FBXW7: variants seen among roughly 807,000 people sequenced by gnomAD.
FBXW7 encodes F-box/WD repeat-containing protein 7.
Under a neutral mutation model 86.3 loss-of-function variants are expected in FBXW7, and 11 were observed. That is an observed-to-expected ratio of 0.13 (90% CI 0.08 to 0.21). The LOEUF (loss-of-function observed/expected upper bound fraction) is 0.21. Ranked by LOEUF, FBXW7 falls within the 10% of genes least tolerant of loss-of-function variation. The pLI, the probability that FBXW7 is intolerant of heterozygous loss-of-function variation, is 1.00. For missense variants in FBXW7, 488 were observed against 847.4 expected, an observed-to-expected ratio of 0.58 and a Z score of 5.27; for synonymous variants, 313 against 297.9, an observed-to-expected ratio of 1.05 and a Z score of -0.52.
chr4:152,474,273 T>C (rs551693087), intron 2 of FBXW7, among the ~76,000 whole-genome samples: 8 of 152,234 alleles, frequency 5.3e-5, no homozygotes, highest in Non-Finnish European at 1.0e-4. Flanking sequence ...CAGCAGTAAG[T>C]CTAATGAAGA....
At chr4:152,416,812 TTTG>T (rs1447927132) in intron 2 of FBXW7, among the ~76,000 whole-genome samples, 1 of 152,224 alleles carries the variant, frequency 6.6e-6, no homozygotes, top group East Asian at 1.9e-4. Context: ...ATATATATTT[TTTG>T]TTATTTGAAT....
chr4:152,351,967 T>G (rs545578875), intron 4 of FBXW7, among the ~76,000 whole-genome samples: 1 of 152,278 alleles, frequency 6.6e-6, no homozygotes, highest in South Asian at 2.1e-4. Flanking sequence ...TTTTAAATAC[T>G]GTACTGTTTA....
chr4:152,421,744 T>A (rs1400408), intron 2 of FBXW7, among the ~76,000 whole-genome samples: 6 of 152,132 alleles, frequency 3.9e-5, no homozygotes, highest in African/African-American at 1.4e-4. Flanking sequence ...GGGTTATTAA[T>A]TGGCAAAATT....
intron 2 of FBXW7, among the ~76,000 whole-genome samples, chr4:152,444,342 T>C (rs1185679276): frequency 2.0e-5 from 3 of 151,792 alleles, no homozygotes; most frequent in African/African-American, 7.3e-5. Flanking sequence ...ACAAACCATT[T>C]ATCTGATGTT....
chr4:152,392,160 T>C (rs1433947620), intron 4 of FBXW7, among the ~76,000 whole-genome samples: 1 of 152,164 alleles, frequency 6.6e-6, no homozygotes, highest in South Asian at 2.1e-4. Flanking sequence ...CTGTCCCCCA[T>C]CTTGCATGCT....
intron 2 of FBXW7, among the ~76,000 whole-genome samples, chr4:152,484,651 A>G (rs966079932): frequency 1.3e-5 from 2 of 152,220 alleles, no homozygotes; most frequent in African/African-American, 4.8e-5. Flanking sequence ...TTTTCCTCAG[A>G]ACACAACATT....
chr4:152,404,185 A>G (rs1737203612), intron 4 of FBXW7, among the ~76,000 whole-genome samples: 1 of 152,198 alleles, frequency 6.6e-6, no homozygotes, highest in African/African-American at 2.4e-5. Flanking sequence ...AGATCATGAT[A>G]TAATGACATT....
chr4:152,454,461 T>C (rs1321787468), intron 2 of FBXW7, among the ~76,000 whole-genome samples: 2 of 152,088 alleles, frequency 1.3e-5, no homozygotes, highest in Admixed American at 6.5e-5. Flanking sequence ...CCAACCTGAA[T>C]AGAAATACTA....
intron 2 of FBXW7, among the ~76,000 whole-genome samples, chr4:152,488,614 A>G (rs1215721100): frequency 1.3e-5 from 2 of 152,102 alleles, no homozygotes; most frequent in Non-Finnish European, 2.9e-5. Flanking sequence ...CTAAAACACT[A>G]TCATTCAAAA....
intron 4 of FBXW7, among the ~76,000 whole-genome samples, chr4:152,373,657 A>G (rs1734209152): frequency 6.6e-6 from 1 of 152,018 alleles, no homozygotes; most frequent in African/African-American, 2.4e-5. Flanking sequence ...TCATGTTTTA[A>G]TTCAGGGTTA....
chr4:152,522,705 T>C (rs1749137159), intron 2 of FBXW7, among the ~76,000 whole-genome samples: 1 of 152,244 alleles, frequency 6.6e-6, no homozygotes, highest in Admixed American at 6.5e-5. Flanking sequence ...CTGGGGACCC[T>C]GTTATAGATT....
At chr4:152,415,541 T>C (rs1579138221) in intron 2 of FBXW7, among the ~76,000 whole-genome samples, 1 of 152,094 alleles carries the variant, frequency 6.6e-6, no homozygotes, top group Admixed American at 6.6e-5. Context: ...ATACCCCAAA[T>C]TAATAATTTA....
At chr4:152,395,239 T>C (rs1298718530) in intron 4 of FBXW7, among the ~76,000 whole-genome samples, 1 of 152,024 alleles carries the variant, frequency 6.6e-6, no homozygotes, top group Non-Finnish European at 1.5e-5. Flanking sequence ...CTCTTGAGAG[T>C]AACCCAGAAA....
Position 152,322,752 on chromosome 4 carries a change from C to T in FBXW7, c.*129G>A. On this transcript the variant is annotated 3_prime_UTR_variant, in exon 14 of 14. Transcript: ENST00000281708. ...CTGTAGGTCTTTTCAATCTGTTGCC[C>T]CAAGCCAACATCCTGCACCACTGAG... 6.9e-7 allele frequency: 1 copy of T among 1,441,496 alleles called. No individual in the cohort carries two copies. Among genetic ancestry groups the T allele is most frequent in the Non-Finnish European group, 9.2e-7 (1 of 1,086,988 alleles). 89.3% of individuals were successfully genotyped at this position (1,441,496 alleles called of 1,614,324 possible). A position where few individuals can be genotyped will look rare whatever the true frequency, so the allele number is the denominator to read the frequency against.
At chr4:152,441,525 G>A (rs1014472210) in intron 2 of FBXW7, among the ~76,000 whole-genome samples, 29 of 152,218 alleles carry the variant, frequency 1.9e-4, no homozygotes, top group Admixed American at 1.9e-3. Flanking sequence ...CAACTATTCA[G>A]ATTTTTAAAA....
At chr4:152,469,136 T>A (rs1419381221) in intron 2 of FBXW7, among the ~76,000 whole-genome samples, 1 of 152,012 alleles carries the variant, frequency 6.6e-6, no homozygotes, top group Non-Finnish European at 1.5e-5. Flanking sequence ...TCACTAAATA[T>A]TTCCTCCTTA....
At chr4:152,527,899 C>CACACAT (rs1749671986) in intron 2 of FBXW7, among the ~76,000 whole-genome samples, 1 of 151,194 alleles carries the variant, frequency 6.6e-6, no homozygotes. Flanking sequence ...CACACACACA[C>CACACAT]ACATATATAT....
intron 2 of FBXW7, among the ~76,000 whole-genome samples, chr4:152,508,603 C>G (rs1485453935): frequency 6.7e-6 from 1 of 148,988 alleles, no homozygotes; most frequent in African/African-American, 2.5e-5. Context: ...GTAGGAGGAT[C>G]ACCTGAGCCC....
chr4:152,347,075 C>CAAAA lies in FBXW7; in HGVS notation c.585-8_585-5dup. The CAAAA allele has an allele frequency of 3.6e-5, 46 of 1,277,106 alleles. No homozygotes were observed. Among genetic ancestry groups the CAAAA allele is most frequent in the South Asian group, 1.8e-4 (12 of 67,684 alleles). The allele number at this position is 1,277,106 out of a possible 1,614,324, so 79.1% of individuals were successfully genotyped here. ...ACATGGTACAAGCCCAGTGGTACTA[C>CAAAA]AAAAAAAAAAAAAAGAGAGAGAGAA... On this transcript the variant is annotated splice_polypyrimidine_tract_variant and splice_region_variant and intron_variant, in intron 5 of 13. Transcript: ENST00000281708.
Sources: gnomAD v4.1 joint callset for allele counts (sites outside exome capture counted in the v4.1 genomes callset) on GRCh38, gnomAD v4.1.1 for gene constraint, MANE v1.5 for transcripts, NCBI Gene and HGNC (gene_info 2026-07-23, HGNC 2026-07-21) for gene names.